The following ARHGEF3 variants were observed in gnomAD, a reference collection of about 807,000 sequenced individuals.
ARHGEF3 encodes 59.8 kDA protein.
A neutral mutation model predicts 63.2 loss-of-function variants in ARHGEF3; 28 were observed. That is an observed-to-expected ratio of 0.44 (90% CI 0.33 to 0.61). ARHGEF3 has a LOEUF of 0.61. Among genes scored for constraint, ARHGEF3 ranks in the 20% least tolerant of loss-of-function variants. The pLI, the probability that ARHGEF3 is intolerant of heterozygous loss-of-function variation, is 0.03. For synonymous variants in ARHGEF3, 266 were observed against 254.2 expected, an observed-to-expected ratio of 1.05 and a Z score of -0.44; for missense variants, 533 against 659.3, an observed-to-expected ratio of 0.81 and a Z score of 2.10.
At chr3:56,749,980 G>A (rs571919276) in intron 6 of ARHGEF3, among the ~76,000 whole-genome samples, 17 of 151,736 alleles carry the variant, frequency 1.1e-4, no homozygotes, top group African/African-American at 3.7e-4. Context: ...CAGATGTAAC[G>A]GAATAAAGAG....
At chr3:57,063,192 G>A (rs1176457686) in intron 1 of ARHGEF3, among the ~76,000 whole-genome samples, 1 of 152,204 alleles carries the variant, frequency 6.6e-6, no homozygotes, top group African/African-American at 2.4e-5. Flanking sequence ...GGAACAGCAT[G>A]GAGGTGATGT....
chr3:56,888,964 G>T (rs2041020910), intron 3 of ARHGEF3, among the ~76,000 whole-genome samples: 1 of 152,036 alleles, frequency 6.6e-6, no homozygotes, highest in African/African-American at 2.4e-5. Flanking sequence ...TTGCTAATTT[G>T]CAATAGAGCA....
intron 3 of ARHGEF3, among the ~76,000 whole-genome samples, chr3:56,921,608 T>C (rs2042144724): frequency 6.6e-6 from 1 of 152,152 alleles, no homozygotes; most frequent in Non-Finnish European, 1.5e-5. Flanking sequence ...CCTGAACAAT[T>C]CCTCTGCCTG....
chr3:56,739,285 T>A (rs182638960), intron 7 of ARHGEF3, among the ~76,000 whole-genome samples: 1 of 152,080 alleles, frequency 6.6e-6, no homozygotes, highest in East Asian at 1.9e-4. Flanking sequence ...GAAAAGCCAA[T>A]CTCTGAAAAG....
chr3:56,795,921 C>T (rs1233490133), intron 1 of ARHGEF3, among the ~76,000 whole-genome samples: 2 of 151,876 alleles, frequency 1.3e-5, no homozygotes, highest in Non-Finnish European at 2.9e-5. Flanking sequence ...CAGGCGTGAG[C>T]CACCACACTG....
chr3:56,958,684 C>A, intron 3 of ARHGEF3: 1 of 902,682 alleles, frequency 1.1e-6, no homozygotes, highest in South Asian at 1.7e-5. Flanking sequence ...TGTGACTTCC[C>A]CAAGTGGTAA....
chr3:57,056,467 A>T (rs1348822913), intron 1 of ARHGEF3, among the ~76,000 whole-genome samples: 1 of 151,642 alleles, frequency 6.6e-6, no homozygotes, highest in African/African-American at 2.4e-5. Flanking sequence ...TTTGAGCCAA[A>T]CTAGATATGG....
intron 1 of ARHGEF3, among the ~76,000 whole-genome samples, chr3:57,059,585 C>T (rs1229705645): frequency 1.3e-5 from 2 of 152,124 alleles, no homozygotes; most frequent in Non-Finnish European, 2.9e-5. Flanking sequence ...TCAAATCTGG[C>T]TCTGCTATCT....
intron 2 of ARHGEF3, among the ~76,000 whole-genome samples, chr3:56,978,004 C>T (rs1233341162): frequency 6.6e-6 from 1 of 152,162 alleles, no homozygotes; most frequent in Non-Finnish European, 1.5e-5. Context: ...AAAAGCAATC[C>T]TGTCAACAGA....
At chr3:57,035,830 C>G (rs566592638) in intron 1 of ARHGEF3, among the ~76,000 whole-genome samples, 1 of 152,358 alleles carries the variant, frequency 6.6e-6, no homozygotes, top group East Asian at 1.9e-4. Context: ...CTTGGAATGA[C>G]AAAGCAACAA....
intron 3 of ARHGEF3, among the ~76,000 whole-genome samples, chr3:56,924,679 T>A (rs1454947345): frequency 6.6e-6 from 1 of 152,012 alleles, no homozygotes; most frequent in East Asian, 1.9e-4. Context: ...CTGGTGGGAG[T>A]GTAGCAGTGA....
intron 4 of ARHGEF3, among the ~76,000 whole-genome samples, chr3:56,816,664 C>T (rs1004583064): frequency 1.3e-5 from 2 of 152,192 alleles, no homozygotes; most frequent in African/African-American, 4.8e-5. Flanking sequence ...ATCCTTACAA[C>T]AATCCTATGA....
intron 1 of ARHGEF3, among the ~76,000 whole-genome samples, chr3:57,057,531 G>A (rs1483118819): frequency 6.6e-6 from 1 of 152,106 alleles, no homozygotes; most frequent in South Asian, 2.1e-4. Flanking sequence ...GACTCTGGTA[G>A]GGTAGAGTCT....
intron 3 of ARHGEF3, among the ~76,000 whole-genome samples, chr3:56,948,385 G>A (rs1378541637): frequency 6.6e-6 from 1 of 152,024 alleles, no homozygotes; most frequent in Non-Finnish European, 1.5e-5. Context: ...CCACTAGCAA[G>A]ACTAATAAAG....
intron 1 of ARHGEF3, chr3:56,774,993 G>A: frequency 6.6e-7 from 1 of 1,509,688 alleles, no homozygotes; most frequent in Non-Finnish European, 8.9e-7. Flanking sequence ...ACAAAGAGAA[G>A]AGTTACCCTT....
chr3:56,905,095 T>C (rs1322765986), intron 3 of ARHGEF3, among the ~76,000 whole-genome samples: 6 of 152,230 alleles, frequency 3.9e-5, no homozygotes, highest in Admixed American at 2.6e-4. Flanking sequence ...TCTTTTACAA[T>C]CCAGTCCAAA....
intron 4 of ARHGEF3, among the ~76,000 whole-genome samples, chr3:56,820,094 G>A (rs924364101): frequency 6.6e-6 from 1 of 152,178 alleles, no homozygotes; most frequent in African/African-American, 2.4e-5. Flanking sequence ...ACAGGGGTGA[G>A]CCACTGCACT....
chr3:57,076,057 A>G (rs1042595598), intron 1 of ARHGEF3, among the ~76,000 whole-genome samples: 1 of 152,236 alleles, frequency 6.6e-6, no homozygotes, highest in African/African-American at 2.4e-5. Context: ...GAATATTTGT[A>G]CAAACCATTA....
intron 3 of ARHGEF3, among the ~76,000 whole-genome samples, chr3:56,900,211 G>A (rs1032757782): frequency 2.0e-5 from 3 of 152,220 alleles, no homozygotes; most frequent in Admixed American, 2.0e-4. Context: ...ACTTTTGGAT[G>A]TGTTATAACA....
Sources: gnomAD v4.1 joint callset for allele counts (sites outside exome capture counted in the v4.1 genomes callset) on GRCh38, gnomAD v4.1.1 for gene constraint, MANE v1.5 for transcripts, NCBI Gene and HGNC (gene_info 2026-07-23, HGNC 2026-07-21) for gene names.